The following CSPP1 variants were observed in gnomAD, a reference collection of about 807,000 sequenced individuals.
CSPP1 encodes centrosome and spindle pole associated protein 1, also known as centrosome and spindle pole-associated protein 1.
In CSPP1, 126 loss-of-function variants were observed where a neutral mutation model predicts 164.4. The observed-to-expected ratio is 0.77, with a 90% CI of 0.66 to 0.89. The LOEUF (loss-of-function observed/expected upper bound fraction) is 0.89, where lower values mean the gene tolerates loss of function less well. Ranked by LOEUF, CSPP1 falls within the 40% of genes least tolerant of loss-of-function variation. CSPP1 has a pLI of 0.00. For missense variants in CSPP1, 1,395 were observed against 1,449.8 expected, an observed-to-expected ratio of 0.96 and a Z score of 0.61; for synonymous variants, 472 against 476.7, an observed-to-expected ratio of 0.99 and a Z score of 0.13.
At chr8:67,159,162 T>A in intron 21 of CSPP1, 25 bp downstream of exon 21, 1 of 1,587,586 alleles carries the variant, frequency 6.3e-7, no homozygotes, top group African/African-American at 1.4e-5. Flanking sequence ...AAAATGTCAA[T>A]CAAACCCATA....
Position 67,090,414 on chromosome 8 carries a change from T to C in CSPP1, c.304-1389T>C, listed in dbSNP as rs1811370562. On this transcript the variant is annotated intron_variant, in intron 4 of 30. Coordinates refer to ENST00000678616, the MANE Select transcript of CSPP1 (RefSeq NM_001382391.1). ...GATTCTCCTGCCTCAGCCTCCCAAG[T>C]AGCTGGGACTACAGGTGCGCGGCCC... Among the ~76,000 whole-genome samples the C allele has an allele frequency of 2.0e-5, 3 of 152,214 alleles. No homozygotes were observed. In the East Asian group the frequency reaches 5.8e-4, roughly 29 times the overall value.
At chr8:67,133,355 G>A (rs1280100201) in intron 16 of CSPP1, among the ~76,000 whole-genome samples, 1 of 152,172 alleles carries the variant, frequency 6.6e-6, no homozygotes, top group Non-Finnish European at 1.5e-5. Context: ...CAGAAGTATT[G>A]CAGGTTTAGT....
intron 2 of CSPP1, 38 bp from the exon 3 acceptor site, chr8:67,076,444 T>C (rs1275082878): frequency 1.6e-6 from 2 of 1,258,564 alleles, no homozygotes; most frequent in Non-Finnish European, 2.2e-6. Flanking sequence ...ATGGTTTTTT[T>C]TTTCCTCTTG....
chr8:67,073,085 A>G (rs1807174562), intron 1 of CSPP1, among the ~76,000 whole-genome samples: 1 of 152,120 alleles, frequency 6.6e-6, no homozygotes, highest in Non-Finnish European at 1.5e-5. Context: ...ATGACTGAAA[A>G]TATCACGCCC....
chr8:67,191,414 A>G (rs760459581), intron 29 of CSPP1, among the ~76,000 whole-genome samples: 3 of 152,224 alleles, frequency 2.0e-5, no homozygotes, highest in Admixed American at 6.5e-5. Context: ...TAGCGTTATT[A>G]TATGTACAGC....
intron 7 of CSPP1, among the ~76,000 whole-genome samples, chr8:67,101,889 T>G (rs1378498302): frequency 2.0e-5 from 3 of 152,184 alleles, no homozygotes; most frequent in Non-Finnish European, 1.5e-5. Flanking sequence ...GACAATATAG[T>G]TGGGTAACTC....
At position 67,116,154 on chromosome 8, in the gene CSPP1, T is replaced by C. The variant is rs567980140; in HGVS notation, c.1496+32T>C. 80 of 1,464,794 alleles carry C rather than the reference T, an allele frequency of 5.5e-5. 2 individuals carry two copies. In the South Asian group the frequency reaches 9.0e-4, roughly 16 times the overall value. The allele number at this position is 1,464,794 out of a possible 1,614,324, so 90.7% of individuals were successfully genotyped here. Reference sequence around the variant, plus strand: ...GTTTAAATGTTTTGTGTTTGGGAATTAGGTAAGGTATTGCTATATTTTATG... The same window carrying C: ...GTTTAAATGTTTTGTGTTTGGGAATCAGGTAAGGTATTGCTATATTTTATG... On this transcript the variant is annotated intron_variant, in intron 13 of 30. Coordinates refer to ENST00000678616, the MANE Select transcript of CSPP1 (RefSeq NM_001382391.1).
At chr8:67,145,592 C>T (rs558938571) in intron 17 of CSPP1, among the ~76,000 whole-genome samples, 1 of 151,480 alleles carries the variant, frequency 6.6e-6, no homozygotes, top group African/African-American at 2.4e-5. Flanking sequence ...GGCACAATCT[C>T]GGCTCACTGC....
intron 18 of CSPP1, among the ~76,000 whole-genome samples, chr8:67,153,253 T>G (rs1264876944): frequency 6.6e-6 from 1 of 152,096 alleles, no homozygotes; most frequent in Non-Finnish European, 1.5e-5. Flanking sequence ...AAAGAATGAG[T>G]CAGAAACTCA....
intron 18 of CSPP1, among the ~76,000 whole-genome samples, chr8:67,153,488 A>G (rs1158278186): frequency 1.3e-5 from 2 of 152,144 alleles, no homozygotes; most frequent in Non-Finnish European, 2.9e-5. Context: ...AAACGATTAC[A>G]ATAATTAAGA....
chr8:67,171,141 C>CTGT (rs894522388), intron 24 of CSPP1, among the ~76,000 whole-genome samples: 1 of 149,624 alleles, frequency 6.7e-6, no homozygotes, highest in African/African-American at 2.4e-5. Flanking sequence ...TCATGCACGC[C>CTGT]TGTAATCCCA....
At chr8:67,152,969 G>T (rs561995275) in intron 18 of CSPP1, among the ~76,000 whole-genome samples, 1 of 152,122 alleles carries the variant, frequency 6.6e-6, no homozygotes, top group Non-Finnish European at 1.5e-5. Context: ...AGGCCGAGGC[G>T]GGCGGATCAT....
intron 1 of CSPP1, among the ~76,000 whole-genome samples, chr8:67,071,833 G>A (rs1199705192): frequency 1.3e-5 from 2 of 152,038 alleles, no homozygotes; most frequent in East Asian, 3.9e-4. Context: ...AAATGGTGCT[G>A]GAATACTCTA....
chr8:67,141,967 A>C (rs1304736065), intron 17 of CSPP1, among the ~76,000 whole-genome samples: 1 of 152,040 alleles, frequency 6.6e-6, no homozygotes. Context: ...TCTTTTTTTG[A>C]TCTTTTATTC....
intron 15 of CSPP1, among the ~76,000 whole-genome samples, chr8:67,129,142 G>T (rs1428032786): frequency 6.6e-6 from 1 of 152,074 alleles, no homozygotes; most frequent in African/African-American, 2.4e-5. Flanking sequence ...TAAAATAATT[G>T]CATTAGTGAT....
At chr8:67,076,628 GC>G (rs771751921) in intron 3 of CSPP1, 47 bp downstream of exon 3, 1 of 1,038,990 alleles carries the variant, frequency 9.6e-7, no homozygotes, top group South Asian at 1.5e-5. Context: ...TCCTTAGTGG[GC>G]TCTTCTGAAA....
At position 67,154,244 on chromosome 8, in the gene CSPP1, T is replaced by C. The variant is rs1826250305; in HGVS notation, c.2241+108T>C. 6.6e-6 allele frequency: 4 copies of C among 609,170 alleles called. No individual in the cohort carries two copies. In the South Asian group the frequency reaches 8.5e-5, roughly 13 times the overall value. 37.7% of individuals were successfully genotyped at this position (609,170 alleles called of 1,614,324 possible). A position where few individuals can be genotyped will look rare whatever the true frequency, so the allele number is the denominator to read the frequency against. ...TAAATTCTAAAATGCCATACTGTTA[T>C]CTAAAATATCTAATTTATATCAGAT... On this transcript the variant is annotated intron_variant, in intron 19 of 30. Coordinates refer to ENST00000678616, the MANE Select transcript of CSPP1 (RefSeq NM_001382391.1).
At chr8:67,134,515 C>G (rs950691261) in intron 16 of CSPP1, 1 of 148,314 alleles carries the variant, frequency 6.7e-6, no homozygotes, top group Non-Finnish European at 1.5e-5. Context: ...TTGTTGTTTC[C>G]TTTCTAGAGC....
chr8:67,070,720 T>C lies in CSPP1; in HGVS notation c.-10-3523T>C, dbSNP rs537113416. Among the ~76,000 whole-genome samples, 10 of 141,808 alleles carry C rather than the reference T, an allele frequency of 7.1e-5. No homozygotes were observed. In the East Asian group the frequency reaches 1.8e-3, roughly 25 times the overall value. 93.0% of individuals were successfully genotyped at this position (141,808 alleles called of 152,430 possible). ...GTATATTTTGCTAAAACTATATATGTAAATATATATATATATATATATTTC... is the reference window on the plus strand; with the variant it reads ...GTATATTTTGCTAAAACTATATATGCAAATATATATATATATATATATTTC... On this transcript the variant is annotated intron_variant, in intron 1 of 30. Coordinates refer to ENST00000678616, the MANE Select transcript of CSPP1 (RefSeq NM_001382391.1).
Sources: allele counts gnomAD v4.1 joint callset (sites outside exome capture counted in the v4.1 genomes callset), GRCh38; gene constraint gnomAD v4.1.1; transcripts MANE v1.5; gene names NCBI Gene and HGNC (gene_info 2026-07-23, HGNC 2026-07-21).